Variants in NREP observed in about 807,000 individuals in gnomAD.
NREP encodes neuronal regeneration related protein.
In NREP, 5 loss-of-function variants were observed where a neutral mutation model predicts 8.6. The observed-to-expected ratio is 0.58, with a 90% CI of 0.30 to 1.22. The LOEUF is 1.22. NREP is among the 50% of genes most tolerant of loss of function. NREP has a pLI of 0.07. For synonymous variants in NREP, 27 were observed against 28.0 expected, an observed-to-expected ratio of 0.96 and a Z score of 0.11; for missense variants, 86 against 82.5, an observed-to-expected ratio of 1.04 and a Z score of -0.17.
At chr5:111,850,064 T>A (rs958386487) in intron 2 of NREP, among the ~76,000 whole-genome samples, 10 of 152,192 alleles carry the variant, frequency 6.6e-5, no homozygotes, top group Non-Finnish European at 1.5e-4. Flanking sequence ...CCTAATACAC[T>A]GTCTTTATGT....
chr5:111,773,970 G>A (rs1217445284), intron 2 of NREP, among the ~76,000 whole-genome samples: 1 of 152,092 alleles, frequency 6.6e-6, no homozygotes, highest in African/African-American at 2.4e-5. Flanking sequence ...CGTGGGGGAG[G>A]TGACACAAAG....
chr5:111,808,016 T>G (rs1752179727), intron 2 of NREP, among the ~76,000 whole-genome samples: 1 of 152,198 alleles, frequency 6.6e-6, no homozygotes, highest in Non-Finnish European at 1.5e-5. Flanking sequence ...AGCACAGAAA[T>G]GACTTTTTCT....
intron 2 of NREP, among the ~76,000 whole-genome samples, chr5:111,819,083 A>C (rs1752457990): frequency 6.6e-6 from 1 of 152,086 alleles, no homozygotes; most frequent in Non-Finnish European, 1.5e-5. Flanking sequence ...TTAAAGTTTA[A>C]CTTCCTGGTT....
chr5:111,941,797 C>T (rs1021236739), intron 2 of NREP, among the ~76,000 whole-genome samples: 5 of 152,014 alleles, frequency 3.3e-5, no homozygotes, highest in Non-Finnish European at 7.4e-5. Context: ...GAGAGGCTGA[C>T]CTAACATAAT....
chr5:111,922,655 G>A (rs1016326710), intron 2 of NREP, among the ~76,000 whole-genome samples: 2 of 152,148 alleles, frequency 1.3e-5, no homozygotes, highest in African/African-American at 2.4e-5. Flanking sequence ...TCTCCTCTGA[G>A]AATAATCTTT....
At chr5:111,878,369 C>G (rs1026625287) in intron 2 of NREP, among the ~76,000 whole-genome samples, 6 of 152,020 alleles carry the variant, frequency 3.9e-5, no homozygotes, top group African/African-American at 1.2e-4. Context: ...TCTTACATGG[C>G]GGCAGGTGAG....
chr5:111,837,060 T>C (rs1752913733), intron 2 of NREP, among the ~76,000 whole-genome samples: 1 of 152,114 alleles, frequency 6.6e-6, no homozygotes, highest in African/African-American at 2.4e-5. Flanking sequence ...TGGGCAAGAT[T>C]TAGTTTTCTG....
At chr5:111,793,878 G>T (rs1751812769) in intron 2 of NREP, among the ~76,000 whole-genome samples, 1 of 152,058 alleles carries the variant, frequency 6.6e-6, no homozygotes, top group African/African-American at 2.4e-5. Flanking sequence ...GAGTAACAAA[G>T]CAAGCCCCTG....
chr5:111,849,404 T>C (rs1338899765), intron 2 of NREP, among the ~76,000 whole-genome samples: 3 of 152,100 alleles, frequency 2.0e-5, no homozygotes, highest in Admixed American at 6.6e-5. Flanking sequence ...TCTTCAAAGG[T>C]AAGCAGGGTT....
chr5:111,816,403 G>A (rs1212172067), intron 2 of NREP, among the ~76,000 whole-genome samples: 1 of 152,066 alleles, frequency 6.6e-6, no homozygotes, highest in Admixed American at 6.5e-5. Context: ...AATGTCTTGT[G>A]AGGTTTAAAA....
intron 2 of NREP, among the ~76,000 whole-genome samples, chr5:111,861,950 G>T (rs1753553298): frequency 6.6e-6 from 1 of 152,026 alleles, no homozygotes; most frequent in East Asian, 1.9e-4. Context: ...ATCTACATAT[G>T]ATTTTCTTAT....
At chr5:111,762,289 T>C (rs907933719), upstream of NREP, among the ~76,000 whole-genome samples, 13 of 152,266 alleles carry the variant, frequency 8.5e-5, no homozygotes, top group Admixed American at 4.6e-4. Context: ...AAAGTGTCTA[T>C]GGGAGGATCA....
intron 2 of NREP, among the ~76,000 whole-genome samples, chr5:111,963,069 C>A (rs898530253): frequency 6.6e-6 from 1 of 152,258 alleles, no homozygotes; most frequent in Non-Finnish European, 1.5e-5. Context: ...AGCCGCCCTG[C>A]GCAACGAGGC....
intron 2 of NREP, among the ~76,000 whole-genome samples, chr5:111,906,391 T>A (rs1452883940): frequency 6.6e-6 from 1 of 152,124 alleles, no homozygotes; most frequent in Non-Finnish European, 1.5e-5. Context: ...TTAAGAATTA[T>A]GGACTATATT....
chr5:111,745,630 C>G (rs1749954190), intron 2 of NREP, among the ~76,000 whole-genome samples: 1 of 152,098 alleles, frequency 6.6e-6, no homozygotes. Flanking sequence ...ATCCTGTTCA[C>G]TATAACTTTG....
At chr5:111,853,886 G>A (rs941227128) in intron 2 of NREP, among the ~76,000 whole-genome samples, 2 of 152,080 alleles carry the variant, frequency 1.3e-5, no homozygotes, top group African/African-American at 4.8e-5. Context: ...CTTTTCTCCT[G>A]AGCTGCTCTT....
chr5:111,829,215 G>A (rs1752703363), intron 2 of NREP, among the ~76,000 whole-genome samples: 1 of 152,194 alleles, frequency 6.6e-6, no homozygotes, highest in Admixed American at 6.5e-5. Flanking sequence ...GACATTAAGC[G>A]GCATGCTAAG....
At chr5:111,826,038 CCG>C (rs1752615636) in intron 2 of NREP, among the ~76,000 whole-genome samples, 1 of 151,624 alleles carries the variant, frequency 6.6e-6, no homozygotes, top group African/African-American at 2.4e-5. Flanking sequence ...ACTGTAACCT[CCG>C]CCTACCGTGT....
Position 111,730,774 on chromosome 5 carries a change from G to C in NREP, c.*147C>G, listed in dbSNP as rs540605490. On this transcript the variant is annotated 3_prime_UTR_variant, in exon 4 of 4. Transcript: ENST00000257435. ...AAAACTGGTTTGATGACACCTATTT[G>C]TCCACTGTAAATTCTCTAAAGCAAG... 3 of 887,010 alleles carry C rather than the reference G, an allele frequency of 3.4e-6. No homozygotes were observed. Among genetic ancestry groups the C allele is most frequent in the Non-Finnish European group, 5.1e-6 (3 of 588,590 alleles). The allele number at this position is 887,010 out of a possible 1,614,324, so 54.9% of individuals were successfully genotyped here.
Sources: allele counts gnomAD v4.1 joint callset (sites outside exome capture counted in the v4.1 genomes callset), GRCh38; gene constraint gnomAD v4.1.1; transcripts MANE v1.5; gene names NCBI Gene and HGNC (gene_info 2026-07-23, HGNC 2026-07-21).